POLR1A: variants seen among roughly 807,000 people sequenced by gnomAD.
POLR1A encodes DNA-directed RNA polymerase I subunit RPA1.
POLR1A carries 84 observed loss-of-function variants against 205.3 expected under a neutral mutation model. The observed-to-expected ratio is 0.41, with a 90% CI of 0.34 to 0.49. POLR1A has a LOEUF of 0.49. Ranked by LOEUF, POLR1A falls within the 20% of genes least tolerant of loss-of-function variation. POLR1A has a pLI of 0.22. For missense variants in POLR1A, 1,645 were observed against 2,204.5 expected, an observed-to-expected ratio of 0.75 and a Z score of 5.08; for synonymous variants, 799 against 863.7, an observed-to-expected ratio of 0.93 and a Z score of 1.31.
intron 12 of POLR1A, among the ~76,000 whole-genome samples, chr2:86,071,547 G>A (rs1006655179): frequency 6.6e-6 from 1 of 152,134 alleles, no homozygotes; most frequent in Non-Finnish European, 1.5e-5. Flanking sequence ...TTTAAAGAAA[G>A]AAATATTGAA....
chr2:86,044,274 G>A lies in POLR1A; in HGVS notation c.3000C>T (p.Val1000=), dbSNP rs765358426. The A allele has an allele frequency of 6.2e-6, 10 of 1,614,074 alleles. No individual in the cohort carries two copies. Among genetic ancestry groups the A allele is most frequent in the Middle Eastern group, 1.6e-4 (1 of 6,062 alleles). ...CACGGACCGTGAGATCATACTGCAC[G>A]ACCAGCCCCTCTAGGTGCTTGATGA... is the stretch of plus-strand genomic sequence containing the variant. ...RCIIKHLEGL[V]VQYDLTVRDS... The change falls in exon 22 of 34, where the codon GTC becomes GTT. Residue 1000 remains valine, a synonymous_variant. Coordinates refer to ENST00000263857, the MANE Select transcript of POLR1A (RefSeq NM_015425.6).
rs776089249 is a variant in POLR1A at position 86,031,435 on chromosome 2, C to G, written c.4473G>C (p.Glu1491Asp). 1.4e-5 allele frequency: 23 copies of G among 1,613,962 alleles called. No individual in the cohort carries two copies. In the East Asian group the frequency reaches 5.1e-4, roughly 36 times the overall value. ...TQPRKPTHSQ[E>D]PQGPEAMERR... Reference sequence around the variant, plus strand: ...GCTCCATGGCCTCGGGCCCCTGGGGCTCCTGGCTGTGGGTGGGTTTCCGGG... The same window carrying G: ...GCTCCATGGCCTCGGGCCCCTGGGGGTCCTGGCTGTGGGTGGGTTTCCGGG... The change falls in exon 30 of 34, where the codon GAG becomes GAC. Residue 1491 changes from glutamate (E) to aspartate (D), a missense_variant. Physicochemically the swap from Glu to Asp is conservative, Grantham distance 45 (BLOSUM62 2). This residue lies in a region of POLR1A where 394 missense variants were observed against 468.5 expected (regional missense o/e 0.84). Transcript: ENST00000263857.
chr2:86,028,693 G>A lies in POLR1A; in HGVS notation c.4798C>T (p.Leu1600Phe). 1 of 1,614,010 alleles carries A rather than the reference G, an allele frequency of 6.2e-7. No homozygotes were observed. Among genetic ancestry groups the A allele is most frequent in the African/African-American group, 1.3e-5 (1 of 75,056 alleles). Residue 1600 changes from leucine to phenylalanine, a missense_variant, in exon 32 of 34, where the codon CTC becomes TTC. This residue lies in a region of POLR1A where 394 missense variants were observed against 468.5 expected (regional missense o/e 0.84). Transcript: ENST00000263857. The surrounding 1 kb of genome is among the most constrained non-coding windows in gnomAD (Gnocchi z 4.5). Reference sequence around the variant, plus strand: ...ATGGCGTGGATGTCGTTGGAGTAGAGGCGGCGCAGATCCAGGACCTGGAGA... The same window carrying A: ...ATGGCGTGGATGTCGTTGGAGTAGAAGCGGCGCAGATCCAGGACCTGGAGA... ...KYAEVLDLRR[L>F]YSNDIHAIAN... is the part of the protein sequence containing the mutation.
intron 24 of POLR1A, among the ~76,000 whole-genome samples, chr2:86,041,184 TGTGTGTGCGC>T (rs1391346698): frequency 4.9e-5 from 6 of 123,252 alleles, no homozygotes; most frequent in Non-Finnish European, 1.0e-4. Context: ...TGTGTGTGTG[TGTGTGTGCGC>T]GCTGAGCTAC....
rs576130333 is a variant in POLR1A at position 86,049,495 on chromosome 2, G to A, written c.2393-253C>T. 3.3e-5 allele frequency among the ~76,000 whole-genome samples: 5 copies of A among 152,280 alleles called. No individual in the cohort carries two copies. In the South Asian group the frequency reaches 8.3e-4, roughly 25 times the overall value. On this transcript the variant is annotated intron_variant, in intron 16 of 33. Transcript: ENST00000263857. ...AAAATTGGGCTACTTTCCCATGGTC[G>A]TATGGGTAGAAAGTAAACCCAGGCC...
intron 14 of POLR1A, among the ~76,000 whole-genome samples, chr2:86,056,205 A>C (rs1672893719): frequency 6.6e-6 from 1 of 152,084 alleles, no homozygotes; most frequent in South Asian, 2.1e-4. Flanking sequence ...TAATCCCAGC[A>C]CTTTGAGAGG....
In POLR1A at chr2:86,043,002, C is replaced by T. The variant is rs1268987651; in HGVS notation, c.3329G>A (p.Arg1110His). Residue 1110 changes from arginine to histidine, a missense_variant, in exon 23 of 34, where the codon CGC becomes CAC. Transcript: ENST00000263857. ...VKALKLESEN[R>H]NGRSPGTQEM... ...CTGAGTCCCAGGGCTGCGGCCATTGCGGTTTTCACTCTCAAGTTTCAGGGC... is the reference window on the plus strand; with the variant it reads ...CTGAGTCCCAGGGCTGCGGCCATTGTGGTTTTCACTCTCAAGTTTCAGGGC... 20 of 1,613,794 alleles carry T rather than the reference C, an allele frequency of 1.2e-5. 1 individual carries two copies. The highest frequency in any genetic ancestry group is 1.1e-4 in the East Asian group (5 of 44,890).
chr2:86,063,335 CAAAAAAAAAAAAAAA>C (rs34298205), intron 14 of POLR1A, among the ~76,000 whole-genome samples: 2 of 41,230 alleles, frequency 4.9e-5, no homozygotes, highest in Non-Finnish European at 8.6e-5. Flanking sequence ...AACTCCATCT[CAAAAAAAAAAAAAAA>C]AAAAAAAAAA....
intron 14 of POLR1A, among the ~76,000 whole-genome samples, chr2:86,061,730 T>C (rs991010815): frequency 6.6e-6 from 1 of 152,120 alleles, no homozygotes; most frequent in East Asian, 1.9e-4. Context: ...TACAATAACA[T>C]GGGTAACACA....
chr2:86,033,025 G>C (rs1672423729), intron 28 of POLR1A, among the ~76,000 whole-genome samples: 1 of 152,190 alleles, frequency 6.6e-6, no homozygotes, highest in African/African-American at 2.4e-5. Flanking sequence ...GAGCTGGTTG[G>C]GGGTAGTCCC....
intron 21 of POLR1A, 26 bp from the exon 22 acceptor site, chr2:86,044,330 C>T (rs748782347): frequency 1.9e-6 from 3 of 1,613,024 alleles, no homozygotes; most frequent in Non-Finnish European, 2.5e-6. Flanking sequence ...CGGCTCAGTC[C>T]CCGCCGGCCC....
chr2:86,081,890 G>T (rs1007181998), intron 7 of POLR1A, among the ~76,000 whole-genome samples, 184 bp from the exon 8 acceptor site: 23 of 152,178 alleles, frequency 1.5e-4, no homozygotes, highest in Middle Eastern at 3.2e-3. Context: ...GCTGTGCAGT[G>T]GTGCGATCAT....
chr2:86,040,752 G>T (rs1223121623), intron 24 of POLR1A, among the ~76,000 whole-genome samples, 193 bp from the exon 25 acceptor site: 1 of 152,070 alleles, frequency 6.6e-6, no homozygotes, highest in African/African-American at 2.4e-5. Flanking sequence ...AAATTACACA[G>T]CACAGATCCC....
Position 86,096,110 on chromosome 2 carries a change from T to TA in POLR1A, c.432+2500dup, listed in dbSNP as rs111472961. 1.7e-3 allele frequency among the ~76,000 whole-genome samples: 265 copies of TA among 151,600 alleles called. 2 individuals carry two copies. The highest frequency in any genetic ancestry group is 3.4e-3 in the Middle Eastern group (1 of 294). ...AAACAAACTCAGTAAAGTTGCAGGATAAAAAAAATCAGTAGCACTTTTATA... is the reference window on the plus strand; with the variant it reads ...AAACAAACTCAGTAAAGTTGCAGGATAAAAAAAAATCAGTAGCACTTTTATA... On this transcript the variant is annotated intron_variant, in intron 3 of 33. Transcript: ENST00000263857.
chr2:86,055,612 T>C (rs74732648), intron 14 of POLR1A, among the ~76,000 whole-genome samples: 1,659 of 152,274 alleles, frequency 0.011, 33 homozygotes, highest in East Asian at 0.097. Context: ...AGGCTAGGCA[T>C]AGTCAAGACT....
chr2:86,044,104 G>C (rs1672667306), intron 22 of POLR1A, 35 bp downstream of exon 22: 3 of 1,606,992 alleles, frequency 1.9e-6, no homozygotes, highest in Non-Finnish European at 2.6e-6. Flanking sequence ...GAGGCCTACT[G>C]CTCGGCCCCC....
intron 1 of POLR1A, among the ~76,000 whole-genome samples, chr2:86,102,411 C>T (rs1673837775): frequency 1.3e-5 from 2 of 152,202 alleles, no homozygotes; most frequent in East Asian, 3.8e-4. Flanking sequence ...CACTGGCCAT[C>T]TGTATGTCTT....
chr2:86,033,164 T>C (rs947091563), intron 28 of POLR1A, among the ~76,000 whole-genome samples: 5 of 152,260 alleles, frequency 3.3e-5, no homozygotes, highest in African/African-American at 1.2e-4. Flanking sequence ...TATTTATTCC[T>C]GGACTATTTT....
rs534617217 is a variant in POLR1A, at chr2:86,044,163, G to A, written c.3111C>T (p.Phe1037=). 28 of 1,614,178 alleles carry A rather than the reference G, an allele frequency of 1.7e-5. No homozygotes were observed. In the South Asian group the frequency reaches 3.1e-4, roughly 18 times the overall value. ...CCTCGTAGTTGCTGGCCAGGAAGGGGAACTGCTTGGGCTGCAGGAACTGTG... is the reference window on the plus strand; with the variant it reads ...CCTCGTAGTTGCTGGCCAGGAAGGGAAACTGCTTGGGCTGCAGGAACTGTG... ...PKTQFLQPKQ[F]PFLASNYEVI... is the part of the protein sequence containing the mutation. Residue 1037 remains phenylalanine, a synonymous_variant, in exon 22 of 34, where the codon TTC becomes TTT. Transcript: ENST00000263857.
Sources: allele counts gnomAD v4.1 joint callset (sites outside exome capture counted in the v4.1 genomes callset), GRCh38; gene constraint gnomAD v4.1.1; regional missense constraint gnomAD v4.1.1; non-coding constraint Gnocchi (gnomAD v3.1); transcripts MANE v1.5; gene names NCBI Gene and HGNC (gene_info 2026-07-23, HGNC 2026-07-21).